The following ANKRD26 variants were observed in gnomAD, a reference collection of about 807,000 sequenced individuals.
ANKRD26 encodes ankyrin repeat domain-containing protein 26.
ANKRD26 carries 141 observed loss-of-function variants against 208.7 expected under a neutral mutation model. The observed-to-expected ratio is 0.68, with a 90% CI of 0.59 to 0.78. The LOEUF is 0.78. Ranked by LOEUF, ANKRD26 falls within the 30% of genes least tolerant of loss-of-function variation. The pLI is 0.00. For synonymous variants in ANKRD26, 636 were observed against 660.4 expected (o/e 0.96, Z 0.57); for missense variants, 1,889 against 1,938.7 (o/e 0.97, Z 0.48).
chr10:27,029,883 G>A (rs557081728), intron 25 of ANKRD26, among the ~76,000 whole-genome samples: 16 of 152,208 alleles, frequency 1.1e-4, no homozygotes, highest in South Asian at 6.2e-4. Context: ...GGGAATGGCC[G>A]GGTGGGAATC....
At chr10:26,980,948 C>T (rs1463668309) in intron 4 of ANKRD26, among the ~76,000 whole-genome samples, 1 of 152,100 alleles carries the variant, frequency 6.6e-6, no homozygotes, top group Non-Finnish European at 1.5e-5. Context: ...TGTTTGTTGG[C>T]CTCCTGTAAG....
In ANKRD26 at chr10:27,051,832, G is replaced by A. The variant is rs1256059098; in HGVS notation, c.1635+1488C>T. 3 of 985,234 alleles carry A rather than the reference G, an allele frequency of 3.0e-6. No homozygotes were observed. The Admixed American group carries it at 1.8e-4, about 61-fold the overall frequency. The allele number at this position is 985,234 out of a possible 1,614,324, so 61.0% of individuals were successfully genotyped here. A position where few individuals can be genotyped will look rare whatever the true frequency, so the allele number is the denominator to read the frequency against. ...TTTGTGCCTCCTTTAGAGTTATCAT[G>A]TAGTGACTCTTCCCCAGGAGAAGCA... On this transcript the variant is annotated intron_variant, in intron 16 of 33. Transcript: ENST00000376087.
Position 27,005,707 on chromosome 10 carries a change from T to C in ANKRD26, c.5016A>G (p.Glu1672=). 6.2e-7 allele frequency: 1 copy of C among 1,609,838 alleles called. No individual in the cohort carries two copies. The highest frequency in any genetic ancestry group is 8.5e-7 in the Non-Finnish European group (1 of 1,178,128). ...RELKEAAAEL[E]SGSIASPLGS... is the part of the protein sequence containing the mutation. Reference sequence around the variant, plus strand: ...CTAGAGGGGAAGCTATTGATCCAGATTCCAATTCAGCAGCAGCTAGAATGA... The same window carrying C: ...CTAGAGGGGAAGCTATTGATCCAGACTCCAATTCAGCAGCAGCTAGAATGA... Residue 1672 remains glutamate (E), a synonymous_variant, in exon 34 of 34, where the codon GAA becomes GAG. Transcript: ENST00000376087.
intron 17 of ANKRD26, among the ~76,000 whole-genome samples, chr10:27,048,362 C>A (rs2054533074): frequency 6.6e-6 from 1 of 152,066 alleles, no homozygotes; most frequent in African/African-American, 2.4e-5. Flanking sequence ...TATACATAGG[C>A]TTACTGTGTA....
rs751528583 is a variant in ANKRD26 at position 27,048,937 on chromosome 10, C to T, written c.1678G>A (p.Val560Ile). Residue 560 changes from valine (V) to isoleucine (I), a missense_variant, in exon 17 of 34, where the codon GTA becomes ATA. This residue lies in a region of ANKRD26 where 1,272 missense variants were observed against 1,273.8 expected (regional missense o/e 1.00). Transcript: ENST00000376087. ...GCACCATCATGTATGTTTGCTGATA[C>T]TTCCATTTCATTATTTCTGTGTTTT... ...RKKHRNNEME[V>I]SANIHDGATD... 12 of 1,609,800 alleles carry T rather than the reference C, an allele frequency of 7.5e-6. No individual in the cohort carries two copies. The highest frequency in any genetic ancestry group is 1.6e-4 in the Middle Eastern group (1 of 6,070).
chr10:27,055,457 G>A (rs576699916), intron 15 of ANKRD26, among the ~76,000 whole-genome samples: 41 of 152,102 alleles, frequency 2.7e-4, no homozygotes, highest in African/African-American at 9.2e-4. Flanking sequence ...TACAAGTAAG[G>A]GGGAAAAAGA....
At chr10:27,060,060 C>T (rs553624301) in intron 15 of ANKRD26, among the ~76,000 whole-genome samples, 2 of 151,240 alleles carry the variant, frequency 1.3e-5, no homozygotes, top group South Asian at 2.1e-4. Flanking sequence ...ATTTGCCAGG[C>T]GTAGTGATGC....
At chr10:26,978,948 C>A (rs754072155) in intron 5 of ANKRD26, among the ~76,000 whole-genome samples, 3 of 152,036 alleles carry the variant, frequency 2.0e-5, no homozygotes, top group Admixed American at 1.3e-4. Flanking sequence ...AAGGGCCGGG[C>A]GCGATGGCTC....
intron 5 of ANKRD26, among the ~76,000 whole-genome samples, chr10:27,083,737 T>A (rs996924742): frequency 2.0e-5 from 3 of 152,252 alleles, no homozygotes; most frequent in Non-Finnish European, 4.4e-5. Flanking sequence ...TCCCTTTACA[T>A]GGTTACCTTC....
chr10:27,060,561 A>G (rs1326532866), intron 13 of ANKRD26, 21 bp from the exon 14 acceptor site: 1 of 1,460,876 alleles, frequency 6.8e-7, no homozygotes, highest in South Asian at 1.2e-5. Flanking sequence ...AAAGGGACAT[A>G]TAATCAATTA....
intron 6 of ANKRD26, chr10:27,080,632 TA>T: frequency 2.0e-6 from 2 of 985,460 alleles, no homozygotes; most frequent in Non-Finnish European, 2.4e-6. Context: ...CCTTCCTTCC[TA>T]TAAGCTCCCA....
At chr10:26,999,372 C>T (rs756588655), downstream of ANKRD26, among the ~76,000 whole-genome samples, 1 of 152,180 alleles carries the variant, frequency 6.6e-6, no homozygotes, top group East Asian at 1.9e-4. Flanking sequence ...GTAGAGGCCT[C>T]GTTTCCTATA....
the ANKRD26 span, among the ~76,000 whole-genome samples, chr10:26,963,903 G>GTTTTTTTTTTTTTTTTTTTTTTTTTT: frequency 2.8e-5 from 2 of 71,850 alleles, 1 homozygote. Context: ...TGGTTGGTTG[G>GTTTTTTTTTTTTTTTTTTTTTTTTTT]TTTTTTTTTT....
chr10:26,991,156 CAGCAAATCG>C (rs2052478984), downstream of ANKRD26, among the ~76,000 whole-genome samples: 1 of 152,160 alleles, frequency 6.6e-6, no homozygotes, highest in Non-Finnish European at 1.5e-5. Context: ...TCCCAGACCT[CAGCAAATCG>C]TCCCATCGTT....
At chr10:27,037,119 T>A (rs553212014) in intron 23 of ANKRD26, 67 bp downstream of exon 23, 46 of 1,523,876 alleles carry the variant, frequency 3.0e-5, no homozygotes, top group Non-Finnish European at 3.9e-5. Context: ...AGTTGGTTTT[T>A]AAAATATATA....
chr10:27,029,836 T>C (rs1362682642), intron 25 of ANKRD26, among the ~76,000 whole-genome samples: 2 of 152,178 alleles, frequency 1.3e-5, no homozygotes, highest in African/African-American at 2.4e-5. Flanking sequence ...GACAACTAGA[T>C]ATTCATGAAA....
chr10:27,099,827 C>G (rs2056588401), intron 1 of ANKRD26, among the ~76,000 whole-genome samples: 1 of 151,746 alleles, frequency 6.6e-6, no homozygotes, highest in Non-Finnish European at 1.5e-5. Context: ...TGCTTTTGTT[C>G]GTTAATTCAC....
rs1401326403 is a variant in ANKRD26, at chr10:27,060,539, C to T, written c.1464G>A (p.Glu488=). 1.3e-6 allele frequency: 2 copies of T among 1,528,578 alleles called. No individual in the cohort carries two copies. The highest frequency in any genetic ancestry group is 3.4e-5 in the Admixed American group (2 of 59,270). 94.7% of individuals were successfully genotyped at this position (1,528,578 alleles called of 1,614,324 possible). The stretch of plus-strand genomic sequence containing the variant: ...TCAAGTGAAGATATCTCTCAGGAGA[C>T]TCTAAAAACCAAAAGGGACATATAA... ...RNVGMPVAHM[E]SPERYLHLKP... Residue 488 remains glutamate (E), a splice_region_variant and synonymous_variant, in exon 14 of 34, where the codon GAG becomes GAA. Transcript: ENST00000376087.
At chr10:27,056,745 C>T (rs2054853492) in intron 15 of ANKRD26, among the ~76,000 whole-genome samples, 1 of 151,876 alleles carries the variant, frequency 6.6e-6, no homozygotes, top group Non-Finnish European at 1.5e-5. Context: ...CCATTGCACT[C>T]CAGCTTGGGC....
Sources: allele counts gnomAD v4.1 joint callset (sites outside exome capture counted in the v4.1 genomes callset), GRCh38; gene constraint gnomAD v4.1.1; regional missense constraint gnomAD v4.1.1; transcripts MANE v1.5; gene names NCBI Gene and HGNC (gene_info 2026-07-23, HGNC 2026-07-21).